The following SLIT3 variants were observed in gnomAD, a reference collection of about 807,000 sequenced individuals.
The protein encoded by SLIT3 is slit guidance ligand 3.
Under a neutral mutation model 184.0 loss-of-function variants are expected in SLIT3, and 68 were observed. The ratio of observed to expected loss-of-function variants is 0.37; its 90% CI spans 0.30 to 0.45. The LOEUF (loss-of-function observed/expected upper bound fraction) is 0.45, where lower values mean the gene tolerates loss of function less well. Among genes scored for constraint, SLIT3 ranks in the 20% least tolerant of loss-of-function variants. SLIT3 has a pLI of 1.00. For missense variants in SLIT3, 1,707 were observed against 2,026.0 expected, an observed-to-expected ratio of 0.84 and a Z score of 3.02; for synonymous variants, 831 against 828.6, an observed-to-expected ratio of 1.00 and a Z score of -0.05.
At chr5:168,789,311 G>A (rs1195822617) in intron 11 of SLIT3, among the ~76,000 whole-genome samples, 6 of 151,988 alleles carry the variant, frequency 3.9e-5, no homozygotes, top group Admixed American at 3.9e-4. Context: ...AGATGCATTC[G>A]AATTAGAAGC....
chr5:169,070,396 A>G (rs903504016), intron 4 of SLIT3, among the ~76,000 whole-genome samples: 1 of 152,024 alleles, frequency 6.6e-6, no homozygotes, highest in Non-Finnish European at 1.5e-5. Flanking sequence ...ATGACCACAC[A>G]CTCTGTATTG....
chr5:169,069,163 A>T (rs1216233862), intron 4 of SLIT3, among the ~76,000 whole-genome samples: 1 of 152,204 alleles, frequency 6.6e-6, no homozygotes, highest in Non-Finnish European at 1.5e-5. Context: ...CCCAATTTAC[A>T]GTTGAGGAAA....
intron 4 of SLIT3, among the ~76,000 whole-genome samples, chr5:169,176,635 A>G (rs1448817722): frequency 6.6e-6 from 1 of 152,254 alleles, no homozygotes. Flanking sequence ...ATCAGAGATC[A>G]GTAACATTTT....
At chr5:169,298,085 C>T (rs1308870650) in intron 1 of SLIT3, among the ~76,000 whole-genome samples, 6 of 152,096 alleles carry the variant, frequency 3.9e-5, no homozygotes, top group Non-Finnish European at 8.8e-5. Context: ...TGGTGGGTTG[C>T]CCTGAAACCC....
intron 3 of SLIT3, among the ~76,000 whole-genome samples, chr5:169,236,712 C>T (rs1313783954): frequency 6.6e-6 from 1 of 152,116 alleles, no homozygotes; most frequent in Non-Finnish European, 1.5e-5. Flanking sequence ...TCTCATGATC[C>T]ACCCACCTTG....
At chr5:168,718,707 C>CACACACACACACACACACACACAT (rs1762833209) in intron 23 of SLIT3, among the ~76,000 whole-genome samples, 9 of 149,646 alleles carry the variant, frequency 6.0e-5, no homozygotes, top group Non-Finnish European at 1.2e-4. Context: ...CACACACACA[C>CACACACACACACACACACACACAT]ACACACACAC....
intron 1 of SLIT3, chr5:169,263,638 TTCAGGCTTTCTC>T (rs1185432898): frequency 2.0e-5 from 10 of 498,666 alleles, no homozygotes; most frequent in South Asian, 3.0e-5. Context: ...ACGCCCAACG[TTCAGGCTTTCTC>T]TGGGCGTATC....
rs934515458 is a variant in SLIT3, at chr5:169,138,569, T to C, written c.413+54910A>G. On this transcript the variant is annotated intron_variant, in intron 4 of 35. Coordinates refer to ENST00000519560, the MANE Select transcript of SLIT3 (RefSeq NM_003062.4). ...ATCTAAGACAACTGCCTTATAGAACTGCTGGGAAGATTAAATGAGATAATG... is the reference window on the plus strand; with the variant it reads ...ATCTAAGACAACTGCCTTATAGAACCGCTGGGAAGATTAAATGAGATAATG... Among the ~76,000 whole-genome samples, 7 of 152,156 alleles carry C rather than the reference T, an allele frequency of 4.6e-5. No individual in the cohort carries two copies. The East Asian group carries it at 1.3e-3, about 29-fold the overall frequency.
intron 16 of SLIT3, among the ~76,000 whole-genome samples, chr5:168,755,634 C>T (rs1302866473): frequency 1.3e-5 from 2 of 152,102 alleles, no homozygotes; most frequent in Admixed American, 6.6e-5. Flanking sequence ...TAGGGTTTCA[C>T]CATGTTGGCC....
intron 14 of SLIT3, among the ~76,000 whole-genome samples, chr5:168,767,618 C>A (rs1360807136): frequency 6.6e-6 from 1 of 152,212 alleles, no homozygotes; most frequent in Non-Finnish European, 1.5e-5. Flanking sequence ...TCAGAAGGAA[C>A]CTTGGGTTAA....
chr5:169,128,803 T>C (rs1218487683), intron 4 of SLIT3, among the ~76,000 whole-genome samples: 1 of 152,196 alleles, frequency 6.6e-6, no homozygotes, highest in Non-Finnish European at 1.5e-5. Flanking sequence ...CCAGCCAACA[T>C]GGACGGTGAG....
At chr5:169,114,286 C>T (rs1482625637) in intron 4 of SLIT3, among the ~76,000 whole-genome samples, 2 of 152,198 alleles carry the variant, frequency 1.3e-5, no homozygotes, top group Admixed American at 6.5e-5. Context: ...CCTCCATCTG[C>T]CTGGGCCTCC....
chr5:168,789,467 T>C (rs1756275762), intron 11 of SLIT3, 93 bp downstream of exon 11: 25 of 945,260 alleles, frequency 2.6e-5, no homozygotes, highest in Non-Finnish European at 4.2e-5. Flanking sequence ...CATAAAGTCT[T>C]GATAAACACC....
chr5:168,713,732 T>C (rs1762633169), intron 23 of SLIT3, among the ~76,000 whole-genome samples: 2 of 152,248 alleles, frequency 1.3e-5, no homozygotes, highest in Admixed American at 1.3e-4. Context: ...TAATTACTCT[T>C]GATAGAGAAC....
chr5:169,146,488 A>G (rs937321279), intron 4 of SLIT3, among the ~76,000 whole-genome samples: 1 of 152,130 alleles, frequency 6.6e-6, no homozygotes, highest in Non-Finnish European at 1.5e-5. Context: ...TTTGATGACA[A>G]TGGCTTGAAG....
chr5:168,902,783 G>A (rs754297085), intron 4 of SLIT3, among the ~76,000 whole-genome samples: 3 of 152,202 alleles, frequency 2.0e-5, no homozygotes, highest in South Asian at 2.1e-4. Flanking sequence ...GACACTGCAC[G>A]AGGATTCTGA....
chr5:169,084,454 A>ATTTT (rs56062027), intron 4 of SLIT3, among the ~76,000 whole-genome samples: 453 of 101,088 alleles, frequency 4.5e-3, no homozygotes, highest in East Asian at 6.1e-3. Context: ...CCATGCCCAG[A>ATTTT]TTTTTTTTTT....
chr5:169,263,272 G>T (rs755728981), intron 1 of SLIT3, among the ~76,000 whole-genome samples: 69 of 152,214 alleles, frequency 4.5e-4, no homozygotes, highest in Non-Finnish European at 8.2e-4. Flanking sequence ...AGCCCAGGGG[G>T]GCAGAGGCTG....
intron 3 of SLIT3, among the ~76,000 whole-genome samples, chr5:169,216,725 G>A (rs1003926420): frequency 6.6e-6 from 1 of 152,100 alleles, no homozygotes; most frequent in Non-Finnish European, 1.5e-5. Context: ...CCCAACAAAA[G>A]CAAATAACTC....
Sources: allele counts gnomAD v4.1 joint callset (sites outside exome capture counted in the v4.1 genomes callset), GRCh38; gene constraint gnomAD v4.1.1; transcripts MANE v1.5; gene names NCBI Gene and HGNC (gene_info 2026-07-23, HGNC 2026-07-21).